The following FAP variants were observed in gnomAD, a reference collection of about 807,000 sequenced individuals.
FAP encodes prolyl endopeptidase FAP.
In FAP, 110 loss-of-function variants were observed where a neutral mutation model predicts 126.5. That is an observed-to-expected ratio of 0.87 (90% confidence interval 0.74 to 1.02). FAP has a LOEUF of 1.02. Among genes scored for constraint, FAP ranks in the 50% least tolerant of loss-of-function variants. The pLI, the probability that FAP is intolerant of heterozygous loss-of-function variation, is 0.00. For synonymous variants in FAP, 334 were observed against 297.3 expected (o/e 1.12, Z -1.27); for missense variants, 919 against 909.2 (o/e 1.01, Z -0.14).
chr2:162,207,770 G>C (rs1000172513), intron 12 of FAP, among the ~76,000 whole-genome samples: 1 of 151,294 alleles, frequency 6.6e-6, no homozygotes, highest in Non-Finnish European at 1.5e-5. Flanking sequence ...GAGTGCAGTG[G>C]CGCGATCTCT....
At position 162,189,102 on chromosome 2, in the gene FAP, C is replaced by T. The variant is rs1409774838; in HGVS notation, c.1619+1G>A. 6.4e-7 allele frequency: 1 copy of T among 1,566,138 alleles called. No homozygotes were observed. Among genetic ancestry groups the T allele is most frequent in the South Asian group, 1.1e-5 (1 of 87,860 alleles). ...TTTACACCAAAGAAAATATTACATA[C>T]ACTTGAATTAGCAAGGGATACTTCT... is the stretch of plus-strand genomic sequence containing the variant. On this transcript the variant is annotated splice_donor_variant, in intron 19 of 25. Coordinates refer to ENST00000188790, the MANE Select transcript of FAP (RefSeq NM_004460.5). LOFTEE classifies it high-confidence loss of function.
At chr2:162,230,487 A>T (rs984796300) in intron 2 of FAP, among the ~76,000 whole-genome samples, 1 of 152,098 alleles carries the variant, frequency 6.6e-6, no homozygotes, top group Non-Finnish European at 1.5e-5. Flanking sequence ...CTGCTAGGAC[A>T]GTCCTTGACA....
chr2:162,198,863 A>G lies in FAP; in HGVS notation c.1296T>C (p.Tyr432=). 6.2e-7 allele frequency: 1 copy of G among 1,613,580 alleles called. No individual in the cohort carries two copies. The highest frequency in any genetic ancestry group is 8.5e-7 in the Non-Finnish European group (1 of 1,179,492). The part of the protein sequence containing the change: ...RNIYRISIGS[Y]PPSKKCVTCH... ...AAGTAACACACTTCTTGCTTGGAGGATAGCTTCCAATGCTAATTCTAGAGG... is the reference window on the plus strand; with the variant it reads ...AAGTAACACACTTCTTGCTTGGAGGGTAGCTTCCAATGCTAATTCTAGAGG... Residue 432 remains tyrosine, a synonymous_variant, in exon 16 of 26, where the codon TAT becomes TAC. Transcript: ENST00000188790.
chr2:162,216,974 T>C (rs1689181306), intron 9 of FAP, among the ~76,000 whole-genome samples: 1 of 152,226 alleles, frequency 6.6e-6, no homozygotes. Context: ...CCTGCTCCCA[T>C]AGGTCCTCCC....
In FAP at chr2:162,195,242, T is replaced by A. The variant is rs574622969; in HGVS notation, c.1403-494A>T. Among the ~76,000 whole-genome samples the A allele has an allele frequency of 5.3e-5, 8 of 152,268 alleles. No homozygotes were observed. In the South Asian group the frequency reaches 1.7e-3, roughly 32 times the overall value. ...ATGCAGAAATCTACATGGGATATAC[T>A]TCCTTTTAAAATATGCTGTGGCAGG... On this transcript the variant is annotated intron_variant, in intron 16 of 25. Transcript: ENST00000188790.
At chr2:162,194,821 T>C in intron 16 of FAP, 73 bp from the exon 17 acceptor site, 1 of 1,366,396 alleles carries the variant, frequency 7.3e-7, no homozygotes, top group East Asian at 2.3e-5. Flanking sequence ...GGGCTGCTGG[T>C]AGTATTTGTG....
intron 21 of FAP, among the ~76,000 whole-genome samples, chr2:162,180,691 G>A (rs1032978688): frequency 2.0e-5 from 3 of 152,162 alleles, no homozygotes; most frequent in East Asian, 1.9e-4. Flanking sequence ...CTCAGATTTC[G>A]AATTTGGGTG....
intron 1 of FAP, 80 bp downstream of exon 1, chr2:162,243,242 C>G: frequency 8.6e-7 from 1 of 1,157,314 alleles, no homozygotes; most frequent in Admixed American, 2.0e-5. Context: ...TCTTCACCTT[C>G]TAAACAATAG....
chr2:162,229,850 CAT>C (rs36027269), intron 2 of FAP, among the ~76,000 whole-genome samples: 40,336 of 151,962 alleles, frequency 0.27, 7,084 homozygotes, highest in Middle Eastern at 0.4. Flanking sequence ...GAGAACGTAG[CAT>C]ATGACTCAAA....
At chr2:162,241,876 C>T (rs1344999319) in intron 2 of FAP, among the ~76,000 whole-genome samples, 2 of 152,238 alleles carry the variant, frequency 1.3e-5, no homozygotes, top group Admixed American at 6.5e-5. Flanking sequence ...TTAACCTATT[C>T]TATTTTGTAA....
At chr2:162,195,015 A>C (rs527988968) in intron 16 of FAP, 16 of 461,328 alleles carry the variant, frequency 3.5e-5, no homozygotes, top group African/African-American at 3.1e-4. Context: ...TTAATATCGA[A>C]TTACACAAAT....
intron 17 of FAP, among the ~76,000 whole-genome samples, chr2:162,191,380 A>G (rs1404861523): frequency 1.3e-5 from 2 of 152,070 alleles, no homozygotes; most frequent in African/African-American, 4.8e-5. Context: ...TGGAGCACAA[A>G]CAGAATCTCA....
At chr2:162,199,772 A>G (rs774628702) in intron 15 of FAP, among the ~76,000 whole-genome samples, 7 of 152,222 alleles carry the variant, frequency 4.6e-5, no homozygotes, top group Non-Finnish European at 5.9e-5. Context: ...TCTTTTTAAC[A>G]CATAAAGTAA....
intron 12 of FAP, among the ~76,000 whole-genome samples, chr2:162,203,871 T>C (rs1688594573): frequency 2.0e-5 from 3 of 152,226 alleles, no homozygotes; most frequent in Non-Finnish European, 4.4e-5. Flanking sequence ...ATGATAGATA[T>C]AACTGAAATT....
At position 162,194,701 on chromosome 2, in the gene FAP, C is replaced by T. The variant is rs1298835434; in HGVS notation, c.1450G>A (p.Glu484Lys). 2.5e-6 allele frequency: 4 copies of T among 1,613,472 alleles called. No homozygotes were observed. Among genetic ancestry groups the T allele is most frequent in the Non-Finnish European group, 3.4e-6 (4 of 1,179,572 alleles). Residue 484 changes from glutamate (E) to lysine (K), a missense_variant and splice_region_variant, in exon 17 of 26, where the codon GAA (glutamate) becomes AAA (lysine). Physicochemically the swap from Glu to Lys is moderately conservative, Grantham distance 56 (BLOSUM62 1). Transcript: ENST00000188790. ...ATAGATAACATGCAAGAGAGAGTACCTTGATCAGTGCGTCCATCATGAAGG... is the reference window on the plus strand; with the variant it reads ...ATAGATAACATGCAAGAGAGAGTACTTTGATCAGTGCGTCCATCATGAAGG... ...STLHDGRTDQ[E>K]IKILEENKEL... is the part of the protein sequence containing the mutation.
At chr2:162,186,034 C>T (rs561186186) in intron 20 of FAP, among the ~76,000 whole-genome samples, 29 of 152,184 alleles carry the variant, frequency 1.9e-4, no homozygotes, top group African/African-American at 5.8e-4. Context: ...CATGGGGCCA[C>T]GCAGCTGCCC....
intron 17 of FAP, among the ~76,000 whole-genome samples, chr2:162,190,791 A>T (rs753523668): frequency 3.9e-4 from 59 of 152,018 alleles, no homozygotes; most frequent in Admixed American, 1.2e-3. Context: ...GAAGAGAGAG[A>T]GCTGGAGGAG....
intron 25 of FAP, 183 bp from the exon 26 acceptor site, chr2:162,171,263 T>TG: frequency 1.9e-6 from 1 of 539,670 alleles, no homozygotes; most frequent in South Asian, 2.3e-5. Flanking sequence ...TTCGTTAACC[T>TG]CCACTACTGT....
intron 8 of FAP, among the ~76,000 whole-genome samples, 156 bp from the exon 9 acceptor site, chr2:162,218,296 G>C (rs545825647): frequency 3.3e-5 from 5 of 152,182 alleles, no homozygotes. Context: ...CATAATCTGA[G>C]TTAAGAGGAA....
Sources: gnomAD v4.1 joint callset for allele counts (sites outside exome capture counted in the v4.1 genomes callset) on GRCh38, gnomAD v4.1.1 for gene constraint, MANE v1.5 for transcripts, NCBI Gene and HGNC (gene_info 2026-07-23, HGNC 2026-07-21) for gene names.